NFIA: variants seen among roughly 807,000 people sequenced by gnomAD.
NFIA encodes nuclear factor I A, also known as nuclear factor 1 A-type.
In NFIA, 8 loss-of-function variants were observed where a neutral mutation model predicts 62.8. That is an observed-to-expected ratio of 0.13 (90% CI 0.07 to 0.23). The LOEUF is 0.23. Ranked by LOEUF, NFIA falls within the 10% of genes least tolerant of loss-of-function variation. The pLI is 1.00. For missense variants in NFIA, 410 were observed against 642.1 expected, an observed-to-expected ratio of 0.64 and a Z score of 3.91; for synonymous variants, 235 against 238.1, an observed-to-expected ratio of 0.99 and a Z score of 0.12.
intron 2 of NFIA, among the ~76,000 whole-genome samples, chr1:61,136,792 T>A (rs1342645979): frequency 2.0e-5 from 3 of 152,114 alleles, no homozygotes; most frequent in African/African-American, 7.2e-5. Flanking sequence ...CCCTACTAGT[T>A]TTTTTGTTTG....
intron 10 of NFIA, among the ~76,000 whole-genome samples, chr1:61,451,520 T>G (rs963098346): frequency 6.6e-6 from 1 of 152,190 alleles, no homozygotes; most frequent in African/African-American, 2.4e-5. Context: ...ATGTTTCACC[T>G]TGAACATTGA....
At chr1:61,118,699 T>C (rs951540417) in intron 2 of NFIA, among the ~76,000 whole-genome samples, 20 of 64,646 alleles carry the variant, frequency 3.1e-4, no homozygotes, top group Non-Finnish European at 5.8e-4. Flanking sequence ...TGTGTGTGTG[T>C]GTGTGTGTGT....
intron 10 of NFIA, among the ~76,000 whole-genome samples, chr1:61,441,329 G>GTGTGTC (rs1296477290): frequency 1.4e-5 from 2 of 146,390 alleles, no homozygotes; most frequent in Non-Finnish European, 3.0e-5. Context: ...GTGTGTGTGT[G>GTGTGTC]TGTGTCTGTC....
At chr1:61,172,200 G>A (rs924476302) in intron 2 of NFIA, among the ~76,000 whole-genome samples, 3 of 152,142 alleles carry the variant, frequency 2.0e-5, no homozygotes, top group Non-Finnish European at 2.9e-5. Flanking sequence ...AAAGAGAAAG[G>A]AACCTTTAGA....
At chr1:61,200,817 A>G (rs1031772415) in intron 2 of NFIA, among the ~76,000 whole-genome samples, 5 of 152,236 alleles carry the variant, frequency 3.3e-5, no homozygotes, top group Non-Finnish European at 7.3e-5. Flanking sequence ...GTATAATGCT[A>G]ATAATATTTC....
At chr1:61,259,993 A>C (rs751670764) in intron 2 of NFIA, among the ~76,000 whole-genome samples, 10 of 152,234 alleles carry the variant, frequency 6.6e-5, no homozygotes, top group Non-Finnish European at 1.3e-4. Context: ...GCAATAGCTC[A>C]TCTTGTGTTG....
intron 9 of NFIA, 89 bp downstream of exon 9, chr1:61,406,816 T>C (rs1377706814): frequency 1.5e-6 from 2 of 1,357,324 alleles, no homozygotes; most frequent in East Asian, 5.6e-5. Context: ...CTGTATAGGC[T>C]CTAGAAAGAG....
intron 2 of NFIA, among the ~76,000 whole-genome samples, chr1:61,091,753 G>C (rs1646324627): frequency 6.6e-6 from 1 of 152,046 alleles, no homozygotes; most frequent in African/African-American, 2.4e-5. Flanking sequence ...AAGTTGTTAA[G>C]GTCATAACCT....
intron 1 of NFIA, among the ~76,000 whole-genome samples, chr1:61,086,679 AGT>A (rs1646224747): frequency 6.6e-6 from 1 of 152,092 alleles, no homozygotes; most frequent in Admixed American, 6.5e-5. Context: ...AGTCATATAG[AGT>A]GTTTAAATGA....
chr1:61,164,454 T>TTTTG (rs916105948), intron 2 of NFIA, among the ~76,000 whole-genome samples: 7 of 152,030 alleles, frequency 4.6e-5, no homozygotes, highest in East Asian at 1.9e-4. Flanking sequence ...TATGTGTTTT[T>TTTTG]TTTGTTTGTT....
intron 9 of NFIA, among the ~76,000 whole-genome samples, chr1:61,415,524 A>G (rs1447199022): frequency 6.6e-6 from 1 of 152,196 alleles, no homozygotes; most frequent in Non-Finnish European, 1.5e-5. Context: ...AGAAAGGGAT[A>G]TAAACAGAAA....
At chr1:61,222,012 A>T (rs151118308) in intron 2 of NFIA, among the ~76,000 whole-genome samples, 1 of 152,186 alleles carries the variant, frequency 6.6e-6, no homozygotes, top group East Asian at 1.9e-4. Flanking sequence ...AGCACTCTGA[A>T]CTCTGTACAA....
chr1:61,281,389 G>T (rs939109917), intron 3 of NFIA, among the ~76,000 whole-genome samples: 1 of 152,176 alleles, frequency 6.6e-6, no homozygotes, highest in African/African-American at 2.4e-5. Flanking sequence ...GTTAAAGCTT[G>T]TCGTATTTAC....
rs1235198081 is a variant in NFIA, at chr1:61,082,663, T to TC, written c.-128dup. ...GCAAGAAGCAGGCTTGATTTTTTTT[T>TC]CTCCCCCCTTCTCTCTCTCTCTCTC... On this transcript the variant is annotated 5_prime_UTR_variant, in exon 1 of 11. Transcript: ENST00000403491. 2.0e-5 allele frequency: 30 copies of TC among 1,523,640 alleles called. 1 individual carries two copies. Among genetic ancestry groups the TC allele is most frequent in the South Asian group, 3.7e-5 (3 of 81,256 alleles). 94.4% of individuals were successfully genotyped at this position (1,523,640 alleles called of 1,614,324 possible). A position where few individuals can be genotyped will look rare whatever the true frequency, so the allele number is the denominator to read the frequency against.
Position 61,431,269 on chromosome 1 carries a change from T to C in NFIA, c.1512+4713T>C, listed in dbSNP as rs181347033. Reference sequence around the variant, plus strand: ...TAATATTTCATCATCAGGTAGTAAATAGAAATACCAGTTTCCACACAAGGG... The same window carrying C: ...TAATATTTCATCATCAGGTAGTAAACAGAAATACCAGTTTCCACACAAGGG... On this transcript the variant is annotated intron_variant, in intron 10 of 10. Transcript: ENST00000403491. 6.6e-5 allele frequency among the ~76,000 whole-genome samples: 10 copies of C among 152,338 alleles called. No individual in the cohort carries two copies. In the East Asian group the frequency reaches 1.3e-3, roughly 21 times the overall value.
intron 1 of NFIA, among the ~76,000 whole-genome samples, chr1:61,083,705 T>C (rs987669698): frequency 2.6e-5 from 4 of 151,300 alleles, no homozygotes; most frequent in African/African-American, 7.3e-5. Flanking sequence ...CCGGGCAGAG[T>C]TGGGCTCCTA....
chr1:61,227,954 A>G (rs1044595553), intron 2 of NFIA, among the ~76,000 whole-genome samples: 6 of 152,112 alleles, frequency 3.9e-5, no homozygotes, highest in African/African-American at 1.2e-4. Flanking sequence ...ATTATTTTCT[A>G]TCACTATTGT....
intron 2 of NFIA, among the ~76,000 whole-genome samples, chr1:61,156,926 GAACA>G (rs1488325109): frequency 6.6e-6 from 1 of 152,188 alleles, no homozygotes; most frequent in Admixed American, 6.5e-5. Context: ...AGTTCTTAAT[GAACA>G]TACAAGTGAA....
chr1:61,183,587 T>G (rs1650905963), intron 2 of NFIA, among the ~76,000 whole-genome samples: 1 of 152,216 alleles, frequency 6.6e-6, no homozygotes, highest in African/African-American at 2.4e-5. Flanking sequence ...CAATCAGATG[T>G]GATCTTTTGC....
Sources: allele counts gnomAD v4.1 joint callset (sites outside exome capture counted in the v4.1 genomes callset), GRCh38; gene constraint gnomAD v4.1.1; transcripts MANE v1.5; gene names NCBI Gene and HGNC (gene_info 2026-07-23, HGNC 2026-07-21).